MRTFB: variants seen among roughly 807,000 people sequenced by gnomAD.
MRTFB encodes myocardin related transcription factor B.
In MRTFB, 29 loss-of-function variants were observed where a neutral mutation model predicts 104.2. The ratio of observed to expected loss-of-function variants is 0.28; its 90% CI spans 0.21 to 0.38. MRTFB has a LOEUF of 0.38. Among genes scored for constraint, MRTFB ranks in the 10% least tolerant of loss-of-function variants. The pLI, the probability that MRTFB is intolerant of heterozygous loss-of-function variation, is 1.00. For missense variants in MRTFB, 1,270 were observed against 1,341.6 expected (o/e 0.95, Z 0.83); for synonymous variants, 535 against 519.5 (o/e 1.03, Z -0.41).
In MRTFB at chr16:14,247,401, C is replaced by A; in HGVS notation, c.2141C>A (p.Pro714His). 6.2e-7 allele frequency: 1 copy of A among 1,613,328 alleles called. No homozygotes were observed. The highest frequency in any genetic ancestry group is 8.5e-7 in the Non-Finnish European group (1 of 1,180,030). The change falls in exon 12 of 17, where the codon CCC becomes CAC. Residue 714 changes from proline (P) to histidine (H), a missense_variant. Pro to His is a moderately conservative substitution (Grantham distance 77, BLOSUM62 -2). Around this residue, in one of 3 missense-constraint regions of MRTFB, gnomAD observed 1,144 missense variants for 1,131.5 expected, o/e 1.01. Transcript: ENST00000571589. ...CCACCGCCTGCTGTTGTTGCTCAGCCCCAGGCTTTACTGACCACGCAGACT... is the reference window on the plus strand; with the variant it reads ...CCACCGCCTGCTGTTGTTGCTCAGCACCAGGCTTTACTGACCACGCAGACT... ...GQPPPAVVAQPQALLTTQTAQ... is the reference protein window; with the variant it reads ...GQPPPAVVAQHQALLTTQTAQ...
Position 14,244,751 on chromosome 16 carries a change from CTCTT to C in MRTFB, c.1080-772_1080-769del, listed in dbSNP as rs1423906677. Among the ~76,000 whole-genome samples, 252 of 152,284 alleles carry C rather than the reference CTCTT, an allele frequency of 1.7e-3. 2 individuals carry two copies. Among genetic ancestry groups the C allele is most frequent in the African/African-American group, 5.8e-3 (242 of 41,560 alleles). ...CCCACTTTTCCACTGGGTTTTCTGT[CTCTT>C]TCTTACTGATTTTAAAGACCTTTTT... On this transcript the variant is annotated intron_variant, in intron 10 of 16. Transcript: ENST00000571589.
At chr16:14,154,352 A>G (rs1007042603) in intron 3 of MRTFB, among the ~76,000 whole-genome samples, 2 of 152,200 alleles carry the variant, frequency 1.3e-5, no homozygotes, top group Admixed American at 1.3e-4. Context: ...AAAATTTTTT[A>G]AATGTTAAGG....
At position 14,258,178 on chromosome 16, in the gene MRTFB, A is replaced by T. The variant is rs531907563; in HGVS notation, c.2764+17A>T. On this transcript the variant is annotated intron_variant, in intron 16 of 16. Coordinates refer to ENST00000571589, the MANE Select transcript of MRTFB (RefSeq NM_001308142.2). ...AGAGTGGAGGTAAGTCAAAAGTCAC[A>T]TCAGATCCTCCCAGGAAGTCATCTC... 6.2e-7 allele frequency: 1 copy of T among 1,609,834 alleles called. No individual in the cohort carries two copies. Among genetic ancestry groups the T allele is most frequent in the African/African-American group, 1.3e-5 (1 of 74,862 alleles).
the MRTFB span, among the ~76,000 whole-genome samples, chr16:14,031,617 G>T: frequency 6.6e-6 from 1 of 152,122 alleles, no homozygotes; most frequent in South Asian, 2.1e-4. Flanking sequence ...TATATATTTT[G>T]GTCTTTCTCC....
chr16:14,236,916 C>T (rs1044686953), intron 9 of MRTFB, among the ~76,000 whole-genome samples: 1 of 152,182 alleles, frequency 6.6e-6, no homozygotes, highest in Non-Finnish European at 1.5e-5. Context: ...ATTCTGGCTG[C>T]ATTTGAAGGC....
intron 3 of MRTFB, among the ~76,000 whole-genome samples, chr16:14,193,012 G>A (rs1183686057): frequency 1.3e-5 from 2 of 151,866 alleles, no homozygotes; most frequent in African/African-American, 4.8e-5. Flanking sequence ...ACGGCCAACA[G>A]CCCTGTCCAG....
chr16:14,127,400 C>T (rs1055273094), intron 2 of MRTFB, among the ~76,000 whole-genome samples: 1 of 152,064 alleles, frequency 6.6e-6, no homozygotes, highest in East Asian at 1.9e-4. Context: ...GTATCTTTGT[C>T]TTACACCAGA....
At chr16:14,176,509 G>A (rs2039588837) in intron 3 of MRTFB, among the ~76,000 whole-genome samples, 1 of 152,172 alleles carries the variant, frequency 6.6e-6, no homozygotes, top group African/African-American at 2.4e-5. Flanking sequence ...GAATGACATA[G>A]CAAATACCAT....
chr16:14,002,538 G>C, the MRTFB span, among the ~76,000 whole-genome samples: 2 of 152,114 alleles, frequency 1.3e-5, no homozygotes, highest in African/African-American at 4.8e-5. Flanking sequence ...ATGCTGGAGG[G>C]GTACATTTCA....
At chr16:14,131,595 A>C (rs1273892193) in intron 2 of MRTFB, among the ~76,000 whole-genome samples, 2 of 152,160 alleles carry the variant, frequency 1.3e-5, no homozygotes, top group African/African-American at 4.8e-5. Context: ...ATGAAAGAAA[A>C]AACTGTTCTA....
Position 14,234,345 on chromosome 16 carries a change from GTGAA to G in MRTFB, c.831+65_831+68del, listed in dbSNP as rs1484242289. ...TATTTGTGACTCTGTCTATAACCCT[GTGAA>G]TGGAAGACAAAGGCATTTATCCAAC... is the stretch of plus-strand genomic sequence containing the variant. On this transcript the variant is annotated intron_variant, in intron 9 of 16. Coordinates refer to ENST00000571589, the MANE Select transcript of MRTFB (RefSeq NM_001308142.2). 3 of 1,525,314 alleles carry G rather than the reference GTGAA, an allele frequency of 2.0e-6. No homozygotes were observed. The African/African-American group carries it at 4.1e-5, about 21-fold the overall frequency. The allele number at this position is 1,525,314 out of a possible 1,614,324, so 94.5% of individuals were successfully genotyped here.
intron 8 of MRTFB, 125 bp downstream of exon 8, chr16:14,219,123 A>G (rs952489203): frequency 5.7e-6 from 6 of 1,045,952 alleles, no homozygotes; most frequent in Non-Finnish European, 7.7e-6. Context: ...TATTAAGCAA[A>G]AAGCAGGCAC....
the MRTFB span, among the ~76,000 whole-genome samples, chr16:14,027,369 G>T: frequency 6.6e-6 from 1 of 152,188 alleles, no homozygotes; most frequent in African/African-American, 2.4e-5. Flanking sequence ...GTCGCCAGGG[G>T]TTAGGATTGG....
At chr16:14,231,273 T>TA (rs935961318) in intron 8 of MRTFB, among the ~76,000 whole-genome samples, 194 of 150,350 alleles carry the variant, frequency 1.3e-3, no homozygotes, top group African/African-American at 4.4e-3. Context: ...CCCTAAAACT[T>TA]AAAGTATAAT....
At chr16:14,043,254 A>C in the MRTFB span, among the ~76,000 whole-genome samples, 1 of 152,068 alleles carries the variant, frequency 6.6e-6, no homozygotes, top group Non-Finnish European at 1.5e-5. Context: ...TGGGATTTGG[A>C]GGGGACTTTG....
chr16:14,127,090 C>T (rs541943852), intron 2 of MRTFB, among the ~76,000 whole-genome samples: 14 of 152,278 alleles, frequency 9.2e-5, no homozygotes, highest in East Asian at 3.9e-4. Context: ...CCCATAGTCA[C>T]GATTTTTGTA....
chr16:14,220,072 G>A (rs767971015), intron 8 of MRTFB, among the ~76,000 whole-genome samples: 1 of 152,196 alleles, frequency 6.6e-6, no homozygotes, highest in Non-Finnish European at 1.5e-5. Flanking sequence ...GATGGCTACA[G>A]TTCCGATTGT....
intron 6 of MRTFB, among the ~76,000 whole-genome samples, chr16:14,214,003 C>CT (rs1261662517): frequency 6.6e-6 from 1 of 152,206 alleles, no homozygotes; most frequent in South Asian, 2.1e-4. Flanking sequence ...TTGTCTGTGT[C>CT]TAACTGTACA....
chr16:14,160,969 G>GT (rs2039009323), intron 3 of MRTFB, among the ~76,000 whole-genome samples: 1 of 151,406 alleles, frequency 6.6e-6, no homozygotes, highest in Non-Finnish European at 1.5e-5. Flanking sequence ...AAGAATTTCT[G>GT]GTTCCTTTTA....
Sources: allele counts gnomAD v4.1 joint callset (sites outside exome capture counted in the v4.1 genomes callset), GRCh38; gene constraint gnomAD v4.1.1; regional missense constraint gnomAD v4.1.1; transcripts MANE v1.5; gene names NCBI Gene and HGNC (gene_info 2026-07-23, HGNC 2026-07-21).